Variants in CATSPER1 observed in about 807,000 individuals in gnomAD.
CATSPER1 encodes cation channel sperm-associated protein 1.
A neutral mutation model predicts 72.7 loss-of-function variants in CATSPER1; 57 were observed. The ratio of observed to expected loss-of-function variants is 0.78; its 90% CI spans 0.63 to 0.98. The LOEUF is 0.98. CATSPER1 is among the 50% of genes least tolerant of loss of function. CATSPER1 has a pLI of 0.00. For synonymous variants in CATSPER1, 363 were observed against 403.0 expected (o/e 0.90, Z 1.19); for missense variants, 910 against 1,033.9 (o/e 0.88, Z 1.64).
rs892776037 is a variant in CATSPER1 at position 66,020,480 on chromosome 11, G to C, written c.1991+84C>G. The C allele has an allele frequency of 1.9e-6, 3 of 1,598,808 alleles. No individual in the cohort carries two copies. The highest frequency in any genetic ancestry group is 2.6e-6 in the Non-Finnish European group (3 of 1,166,522). ...TTGTGGGTTCAGCGTGGCATGACCAGGGTGAGAGGGCTGGGGTAAGGGTCC... is the reference window on the plus strand; with the variant it reads ...TTGTGGGTTCAGCGTGGCATGACCACGGTGAGAGGGCTGGGGTAAGGGTCC... On this transcript the variant is annotated intron_variant, in intron 7 of 11. Coordinates refer to ENST00000312106, the MANE Select transcript of CATSPER1 (RefSeq NM_053054.4). This position sits in a 1 kb window ranked among gnomAD's most constrained non-coding sequence, Gnocchi z 4.5.
chr11:66,018,743 A>G (rs541495791), intron 10 of CATSPER1, 84 bp downstream of exon 10: 3 of 1,419,762 alleles, frequency 2.1e-6, no homozygotes, highest in Non-Finnish European at 3.0e-6. Flanking sequence ...GGGGCAGGCA[A>G]TGTCCCTTTC....
At chr11:66,019,130 C>T (rs1480866671) in intron 9 of CATSPER1, among the ~76,000 whole-genome samples, 1 of 152,120 alleles carries the variant, frequency 6.6e-6, no homozygotes, top group East Asian at 1.9e-4. Context: ...ATCACTTCTA[C>T]CCCCTTTCAG....
rs1856253402 is a variant in CATSPER1, at chr11:66,017,086, CG to C, written c.2289del (p.Ile763MetfsTer?). The C allele has an allele frequency of 1.9e-6, 3 of 1,611,970 alleles. No homozygotes were observed. The highest frequency in any genetic ancestry group is 2.2e-5 in the South Asian group (2 of 91,038). ...TCAAATGTGGTGTCCACAATCTCATCGATGACGGCTGCCTGGGAGCGGAACT... is the reference window on the plus strand; with the variant it reads ...TCAAATGTGGTGTCCACAATCTCATCATGACGGCTGCCTGGGAGCGGAACT... Reference protein sequence around the residue: ...QQKFRSQAAVIDEIVDTTFEA... With the variant: ...QQKFRSQAAVXDEIVDTTFEA... On this transcript the variant is annotated frameshift_variant, in exon 11 of 12. Coordinates refer to ENST00000312106, the MANE Select transcript of CATSPER1 (RefSeq NM_053054.4). LOFTEE classifies it high-confidence loss of function.
intron 10 of CATSPER1, among the ~76,000 whole-genome samples, chr11:66,017,623 C>T (rs1362463128): frequency 9.2e-5 from 14 of 151,944 alleles, no homozygotes; most frequent in Admixed American, 9.2e-4. Context: ...CCCACCTGTC[C>T]CTCCACCCAC....
At chr11:66,021,272 C>T in intron 4 of CATSPER1, 87 bp from the exon 5 acceptor site, 1 of 1,382,044 alleles carries the variant, frequency 7.2e-7, no homozygotes, top group Non-Finnish European at 1.0e-6. Flanking sequence ...GCGCTGAAGG[C>T]AGGAGGCTCC....
In CATSPER1 at chr11:66,021,788, GA is replaced by G. The variant is rs770529266; in HGVS notation, c.1520del (p.Phe507SerfsTer22). The G allele has an allele frequency of 6.2e-7, 1 of 1,614,036 alleles. No individual in the cohort carries two copies. Among genetic ancestry groups the G allele is most frequent in the Non-Finnish European group, 8.5e-7 (1 of 1,180,018 alleles). ...LKIIALGLSY[F>X]FDFWNNLDFF... ...CACCCAAATTGTTCCAGAAGTCAAAGAAGTACGAGAGGCCCAGGGCGATGAT... is the reference window on the plus strand; with the variant it reads ...CACCCAAATTGTTCCAGAAGTCAAAGAGTACGAGAGGCCCAGGGCGATGAT... On this transcript the variant is annotated frameshift_variant, in exon 3 of 12. Transcript: ENST00000312106. LOFTEE classifies it high-confidence loss of function.
In CATSPER1 at chr11:66,023,129, G is replaced by A; in HGVS notation, c.1217-68C>T. 9 of 1,432,256 alleles carry A rather than the reference G, an allele frequency of 6.3e-6. No homozygotes were observed. The Admixed American group carries it at 1.5e-4, about 24-fold the overall frequency. 88.7% of individuals were successfully genotyped at this position (1,432,256 alleles called of 1,614,324 possible). A position where few individuals can be genotyped will look rare whatever the true frequency, so the allele number is the denominator to read the frequency against. ...GACACGAGGTCCCAGGCACCCCCCA[G>A]CCTGGCTCAGCGTCCATGGTCACTC... On this transcript the variant is annotated intron_variant, in intron 1 of 11. Transcript: ENST00000312106.
chr11:66,021,244 G>A (rs1325035630), intron 4 of CATSPER1, 59 bp from the exon 5 acceptor site: 38 of 1,511,750 alleles, frequency 2.5e-5, no homozygotes, highest in Non-Finnish European at 3.5e-5. Flanking sequence ...GTGTGTCTCT[G>A]CCCAGCAGCC....
Position 66,025,920 on chromosome 11 carries a change from A to G in CATSPER1, c.460T>C (p.Tyr154His), listed in dbSNP as rs144544092. 3.2e-5 allele frequency: 51 copies of G among 1,612,700 alleles called. No homozygotes were observed. Among genetic ancestry groups the G allele is most frequent in the Non-Finnish European group, 6.8e-6 (8 of 1,179,702 alleles). Residue 154 changes from tyrosine to histidine, a missense_variant, in exon 1 of 12, where the codon TAT becomes CAT. By Grantham distance (83) the Tyr-to-His change is moderately conservative. Coordinates refer to ENST00000312106, the MANE Select transcript of CATSPER1 (RefSeq NM_053054.4). The stretch of plus-strand genomic sequence containing the variant: ...TAGTGGGATAAATTCTCACCGAGAT[A>G]TTGGGGTCTGCCATGGTGAGACCCC... ...HRGSHHGRPQ[Y>H]LGENLSHYSS...
rs1214714041 is a variant in CATSPER1, at chr11:66,020,550, G to A, written c.1991+14C>T. On this transcript the variant is annotated intron_variant, in intron 7 of 11. Transcript: ENST00000312106. This position sits in a 1 kb window ranked among gnomAD's most constrained non-coding sequence, Gnocchi z 4.5. Reference sequence around the variant, plus strand: ...TGGGTGGTGCTGGGCAGCAGAGCAGGGGTGAGTCCTCACTTGAGGAAGATG... The same window carrying A: ...TGGGTGGTGCTGGGCAGCAGAGCAGAGGTGAGTCCTCACTTGAGGAAGATG... 1 of 1,609,022 alleles carries A rather than the reference G, an allele frequency of 6.2e-7. No individual in the cohort carries two copies. The highest frequency in any genetic ancestry group is 1.3e-5 in the African/African-American group (1 of 74,846).
rs1420400004 is a variant in CATSPER1, at chr11:66,021,927, C to A, written c.1430-48G>T. 3 of 1,379,964 alleles carry A rather than the reference C, an allele frequency of 2.2e-6. No individual in the cohort carries two copies. The Admixed American group carries it at 5.0e-5, about 23-fold the overall frequency. The allele number at this position is 1,379,964 out of a possible 1,614,324, so 85.5% of individuals were successfully genotyped here. ...TCAGAGCTGTCCCCAGCACCCAGTG[C>A]CCTCTCTCTCCTCAGCATTAGCCTC... On this transcript the variant is annotated intron_variant, in intron 2 of 11. Transcript: ENST00000312106.
Position 66,026,082 on chromosome 11 carries a change from G to A in CATSPER1, c.298C>T (p.Pro100Ser), listed in dbSNP as rs1244121807. ...TGGGAGGGGACGGCGCCTTGAGAGG[G>A]AGCCAGACCAAAGCCTGTGGGGCCA... Reference protein sequence around the residue: ...AHGPTGFGLAPSQGAVPSHRS... With the variant: ...AHGPTGFGLASSQGAVPSHRS... Residue 100 changes from proline to serine, a missense_variant, in exon 1 of 12, where the codon CCC becomes TCC. Transcript: ENST00000312106. 3.1e-6 allele frequency: 5 copies of A among 1,613,254 alleles called. No homozygotes were observed. The highest frequency in any genetic ancestry group is 4.2e-6 in the Non-Finnish European group (5 of 1,179,534).
At chr11:66,021,947 A>G (rs1856382608) in intron 2 of CATSPER1, 68 bp from the exon 3 acceptor site, 4 of 1,212,850 alleles carry the variant, frequency 3.3e-6, no homozygotes, top group Non-Finnish European at 3.7e-6. Flanking sequence ...CCTCAGCATT[A>G]GCCTCACACA....
rs1856493634 is a variant in CATSPER1 at position 66,025,921 on chromosome 11, T to A, written c.459A>T (p.Gln153His). 1 of 1,612,714 alleles carries A rather than the reference T, an allele frequency of 6.2e-7. No homozygotes were observed. The highest frequency in any genetic ancestry group is 1.3e-5 in the African/African-American group (1 of 74,412). The change falls in exon 1 of 12, where the codon CAA (glutamine) becomes CAT (histidine). Residue 153 changes from glutamine (Q) to histidine (H), a missense_variant. Transcript: ENST00000312106. ...YHRGSHHGRPQYLGENLSHYS... is the reference protein window; with the variant it reads ...YHRGSHHGRPHYLGENLSHYS... ...AGTGGGATAAATTCTCACCGAGATA[T>A]TGGGGTCTGCCATGGTGAGACCCCC...
chr11:66,026,300 G>A lies in CATSPER1; in HGVS notation c.80C>T (p.Ser27Leu), dbSNP rs774459359. 1 of 1,614,228 alleles carries A rather than the reference G, an allele frequency of 6.2e-7. No homozygotes were observed. The highest frequency in any genetic ancestry group is 8.5e-7 in the Non-Finnish European group (1 of 1,180,026). Residue 27 changes from serine (S) to leucine (L), a missense_variant, in exon 1 of 12, where the codon TCA becomes TTA. By Grantham distance (145) the Ser-to-Leu change is moderately radical (BLOSUM62 -2). Transcript: ENST00000312106. ...GCCTGGCCTGTGGTGTGGGGGTGATGAGTGAGAGCGAAAGAACCTATCTGC... is the reference window on the plus strand; with the variant it reads ...GCCTGGCCTGTGGTGTGGGGGTGATAAGTGAGAGCGAAAGAACCTATCTGC... Reference protein sequence around the residue: ...NNADRFFRSHSSPPHHRPGHS... With the variant: ...NNADRFFRSHLSPPHHRPGHS...
intron 2 of CATSPER1, among the ~76,000 whole-genome samples, chr11:66,022,206 G>T (rs1856389628): frequency 6.6e-6 from 1 of 152,142 alleles, no homozygotes; most frequent in South Asian, 2.1e-4. Flanking sequence ...TGGGCATGGT[G>T]GTGGGCACCT....
In CATSPER1 at chr11:66,020,307, C is replaced by G. The variant is rs372660106; in HGVS notation, c.2064+10G>C. The stretch of plus-strand genomic sequence containing the variant: ...CTGATCTGGTCCACCTGTCCCACCC[C>G]ACTCGGTACCTCCTGCTTCGCTTTC... On this transcript the variant is annotated intron_variant, in intron 8 of 11. Transcript: ENST00000312106. This position sits in a 1 kb window ranked among gnomAD's most constrained non-coding sequence, Gnocchi z 4.5. The G allele has an allele frequency of 4.3e-6, 7 of 1,614,076 alleles. No individual in the cohort carries two copies. The highest frequency in any genetic ancestry group is 5.1e-6 in the Non-Finnish European group (6 of 1,180,048).
At chr11:66,021,359 G>A in intron 4 of CATSPER1, 137 bp downstream of exon 4, 9 of 1,266,500 alleles carry the variant, frequency 7.1e-6, no homozygotes, top group South Asian at 1.3e-5. Flanking sequence ...CATGACAGAA[G>A]GCAGAAGCAG....
At chr11:66,022,004 G>A (rs1157624760) in intron 2 of CATSPER1, 125 bp from the exon 3 acceptor site, 17 of 755,240 alleles carry the variant, frequency 2.3e-5, no homozygotes, top group African/African-American at 3.4e-5. Flanking sequence ...GCAGCTGCGC[G>A]ACTTCACTAC....
Sources: allele counts gnomAD v4.1 joint callset (sites outside exome capture counted in the v4.1 genomes callset), GRCh38; gene constraint gnomAD v4.1.1; non-coding constraint Gnocchi (gnomAD v3.1); transcripts MANE v1.5; gene names NCBI Gene and HGNC (gene_info 2026-07-23, HGNC 2026-07-21).